ITPKB: variants seen among roughly 807,000 people sequenced by gnomAD.
ITPKB encodes the protein IP3 3-kinase B.
ITPKB carries 13 observed loss-of-function variants against 69.4 expected under a neutral mutation model. The ratio of observed to expected loss-of-function variants is 0.19; its 90% CI spans 0.12 to 0.30. The LOEUF is 0.30. ITPKB is among the 10% of genes least tolerant of loss of function. The pLI, the probability that ITPKB is intolerant of heterozygous loss-of-function variation, is 1.00. For missense variants in ITPKB, 1,240 were observed against 1,250.5 expected (o/e 0.99, Z 0.13); for synonymous variants, 584 against 513.7 (o/e 1.14, Z -1.85).
intron 2 of ITPKB, among the ~76,000 whole-genome samples, chr1:226,729,267 A>C (rs913996449): frequency 1.3e-5 from 2 of 152,054 alleles, no homozygotes; most frequent in Non-Finnish European, 2.9e-5. Flanking sequence ...GAGTATCACA[A>C]GATCAAGAGA....
chr1:226,689,548 T>A (rs1373082190), intron 2 of ITPKB, among the ~76,000 whole-genome samples: 1 of 151,636 alleles, frequency 6.6e-6, no homozygotes, highest in Non-Finnish European at 1.5e-5. Context: ...TGGGTTTTTT[T>A]CCTTTGTCGG....
At chr1:226,717,066 G>C (rs1558094675) in intron 2 of ITPKB, among the ~76,000 whole-genome samples, 1 of 151,894 alleles carries the variant, frequency 6.6e-6, no homozygotes, top group Non-Finnish European at 1.5e-5. Flanking sequence ...CACACTACCG[G>C]GTTCATGTAT....
At chr1:226,640,049 GGTGCCCGGA>G (rs1668926756) in intron 5 of ITPKB, among the ~76,000 whole-genome samples, 2 of 152,156 alleles carry the variant, frequency 1.3e-5, no homozygotes, top group Non-Finnish European at 2.9e-5. Flanking sequence ...CCCTGGAACC[GGTGCCCGGA>G]GGTCCCTGCC....
chr1:226,677,650 A>G (rs759643921), intron 2 of ITPKB, among the ~76,000 whole-genome samples: 1 of 152,232 alleles, frequency 6.6e-6, no homozygotes, highest in Non-Finnish European at 1.5e-5. Context: ...GCTGTGCCAG[A>G]GGCTGCAAGA....
chr1:226,648,635 G>T, intron 3 of ITPKB, 37 bp downstream of exon 3: 2 of 1,301,112 alleles, frequency 1.5e-6, no homozygotes, highest in Non-Finnish European at 2.2e-6. Flanking sequence ...AGAGGGCTGA[G>T]CACCATGCTG....
chr1:226,652,272 G>T (rs1334119377), intron 2 of ITPKB, among the ~76,000 whole-genome samples: 1 of 152,208 alleles, frequency 6.6e-6, no homozygotes, highest in Non-Finnish European at 1.5e-5. Flanking sequence ...CAATGTCCTT[G>T]TGATGGTCGG....
chr1:226,701,647 TTTCTCCAAGGACTTAA>T (rs1362987937), intron 2 of ITPKB, among the ~76,000 whole-genome samples: 1 of 151,314 alleles, frequency 6.6e-6, no homozygotes, highest in African/African-American at 2.4e-5. Flanking sequence ...CTTTACCCAT[TTTCTCCAAGGACTTAA>T]TCTCTTAAGC....
chr1:226,700,463 G>A (rs1214550855), intron 2 of ITPKB, among the ~76,000 whole-genome samples: 14 of 40,762 alleles, frequency 3.4e-4, no homozygotes, highest in East Asian at 7.4e-4. Context: ...GCAAGACTCC[G>A]TCAAAAAAAA....
intron 2 of ITPKB, among the ~76,000 whole-genome samples, chr1:226,711,405 AAG>A (rs59479705): frequency 0.04 from 5,127 of 129,576 alleles, 99 homozygotes; most frequent in African/African-American, 0.058. Context: ...GGTGTTTTGA[AAG>A]AGAGAGAGAG....
At chr1:226,729,419 T>C (rs780558238) in intron 2 of ITPKB, among the ~76,000 whole-genome samples, 3 of 145,070 alleles carry the variant, frequency 2.1e-5, no homozygotes, top group African/African-American at 7.7e-5. Flanking sequence ...GAGGCAGAGG[T>C]TGCAGTGAGC....
intron 2 of ITPKB, among the ~76,000 whole-genome samples, chr1:226,718,711 A>G (rs977550474): frequency 1.3e-5 from 2 of 152,244 alleles, no homozygotes; most frequent in Non-Finnish European, 2.9e-5. Flanking sequence ...CTTAGCTACT[A>G]AATAAAACGC....
chr1:226,699,914 G>A (rs963533396), intron 2 of ITPKB, among the ~76,000 whole-genome samples: 1 of 152,136 alleles, frequency 6.6e-6, no homozygotes, highest in African/African-American at 2.4e-5. Flanking sequence ...GAAGCAAGGA[G>A]AGCTGGTCCA....
Position 226,634,934 on chromosome 1 carries a change from C to T in ITPKB, c.2626-48G>A. On this transcript the variant is annotated intron_variant, in intron 7 of 7. Coordinates refer to ENST00000429204, the MANE Select transcript of ITPKB (RefSeq NM_002221.4). This position sits in a 1 kb window ranked among gnomAD's most constrained non-coding sequence, Gnocchi z 6.3. The stretch of plus-strand genomic sequence containing the variant: ...GGGTGAGCTGAAGCCCGGGCCTCGC[C>T]CTCCCCACTGCGGCCCGGGGCCTGG... The T allele has an allele frequency of 6.7e-7, 1 of 1,488,028 alleles. No individual in the cohort carries two copies. The highest frequency in any genetic ancestry group is 9.2e-7 in the Non-Finnish European group (1 of 1,083,128). 92.2% of individuals were successfully genotyped at this position (1,488,028 alleles called of 1,614,324 possible). A position where few individuals can be genotyped will look rare whatever the true frequency, so the allele number is the denominator to read the frequency against.
intron 2 of ITPKB, among the ~76,000 whole-genome samples, chr1:226,665,451 G>A (rs896332145): frequency 1.3e-5 from 2 of 152,246 alleles, no homozygotes; most frequent in African/African-American, 4.8e-5. Flanking sequence ...ACTGTAGGGA[G>A]GACTAGGTAG....
rs756295431 is a variant in ITPKB, at chr1:226,634,650, G to T, written c.*21C>A. Reference sequence around the variant, plus strand: ...AGGAGGAAAGGAGGCCCAGGCGGGGGCCAGGGAGGGCGTGGGCAGCTCAGG... The same window carrying T: ...AGGAGGAAAGGAGGCCCAGGCGGGGTCCAGGGAGGGCGTGGGCAGCTCAGG... On this transcript the variant is annotated 3_prime_UTR_variant, in exon 8 of 8. Transcript: ENST00000429204. The surrounding 1 kb of genome is among the most constrained non-coding windows in gnomAD (Gnocchi z 6.3). The T allele has an allele frequency of 2.6e-6, 2 of 774,718 alleles. No homozygotes were observed. The highest frequency in any genetic ancestry group is 4.9e-5 in the East Asian group (2 of 40,928). The allele number at this position is 774,718 out of a possible 1,614,324, so 48.0% of individuals were successfully genotyped here.
rs747405213 is a variant in ITPKB at position 226,737,371 on chromosome 1, C to T, written c.88G>A (p.Gly30Ser). 6.2e-7 allele frequency: 1 copy of T among 1,608,730 alleles called. No individual in the cohort carries two copies. The highest frequency in any genetic ancestry group is 2.2e-5 in the East Asian group (1 of 44,828). Residue 30 changes from glycine to serine, a missense_variant, in exon 2 of 8, where the codon GGC becomes AGC. Around this residue, in one of 2 missense-constraint regions of ITPKB, gnomAD observed 992 missense variants for 853.8 expected, o/e 1.16. Transcript: ENST00000429204. ...MKSGGGPGPS[G>S]SETPPPPRRA... ...CTCGGGGGCGGGGGCGTCTCGCTGC[C>T]ACTGGGCCCCGGGCCGCCGCCGCTC...
At chr1:226,733,760 C>G (rs1354948542) in intron 2 of ITPKB, among the ~76,000 whole-genome samples, 1 of 152,158 alleles carries the variant, frequency 6.6e-6, no homozygotes, top group Non-Finnish European at 1.5e-5. Flanking sequence ...TTAAAAACAC[C>G]ACTTAACCCT....
chr1:226,721,091 C>A (rs1295463508), intron 2 of ITPKB, among the ~76,000 whole-genome samples: 1 of 151,564 alleles, frequency 6.6e-6, no homozygotes, highest in Admixed American at 6.6e-5. Context: ...CGCCTATAAT[C>A]CCAGCACTTT....
rs777746139 is a variant in ITPKB at position 226,735,778 on chromosome 1, A to G, written c.1681T>C (p.Cys561Arg). The change falls in exon 2 of 8, where the codon TGC becomes CGC. Residue 561 changes from cysteine to arginine, a missense_variant. Cys to Arg is a radical substitution (Grantham distance 180, BLOSUM62 -3). Transcript: ENST00000429204. ...ACAGCAGGTATGTTGCTGGGGCTGCAGGCCTTCCTCAGGAAAGGCTTGTCC... is the reference window on the plus strand; with the variant it reads ...ACAGCAGGTATGTTGCTGGGGCTGCGGGCCTTCCTCAGGAAAGGCTTGTCC... ...DPDKPFLRKA[C>R]SPSNIPAVII... 2.3e-5 allele frequency: 37 copies of G among 1,601,756 alleles called. No individual in the cohort carries two copies. The highest frequency in any genetic ancestry group is 3.2e-5 in the Non-Finnish European group (37 of 1,170,332).
Sources: gnomAD v4.1 joint callset for allele counts (sites outside exome capture counted in the v4.1 genomes callset) on GRCh38, gnomAD v4.1.1 for gene constraint, gnomAD v4.1.1 regional missense constraint, Gnocchi (gnomAD v3.1) non-coding constraint, MANE v1.5 for transcripts, NCBI Gene and HGNC (gene_info 2026-07-23, HGNC 2026-07-21) for gene names.